PGM1: variants seen among roughly 807,000 people sequenced by gnomAD.
PGM1 encodes phosphoglucomutase 1, also known as phosphoglucomutase-1.
PGM1 carries 52 observed loss-of-function variants against 55.6 expected under a neutral mutation model. The observed-to-expected ratio is 0.94, with a 90% CI of 0.75 to 1.18. The LOEUF (loss-of-function observed/expected upper bound fraction) is 1.18. Ranked by LOEUF, PGM1 falls within the 50% of genes most tolerant of loss-of-function variation. The pLI, the probability that PGM1 is intolerant of heterozygous loss-of-function variation, is 0.00. For synonymous variants in PGM1, 287 were observed against 271.7 expected (o/e 1.06, Z -0.55); for missense variants, 724 against 729.3 (o/e 0.99, Z 0.08).
chr1:63,654,967 CTTTTTTTTT>C (rs58711467), intron 10 of PGM1, among the ~76,000 whole-genome samples: 4 of 131,640 alleles, frequency 3.0e-5, no homozygotes, highest in Non-Finnish European at 4.9e-5. Flanking sequence ...ATGAATCTCT[CTTTTTTTTT>C]TTTTTTTTTT....
At chr1:63,623,129 T>G in intron 1 of PGM1, 7 of 867,588 alleles carry the variant, frequency 8.1e-6, no homozygotes, top group Non-Finnish European at 1.0e-5. Flanking sequence ...CAGCACTCCT[T>G]GGAGCTATCT....
chr1:63,616,903 A>G (rs926695743), intron 1 of PGM1, among the ~76,000 whole-genome samples: 4 of 152,182 alleles, frequency 2.6e-5, no homozygotes, highest in Non-Finnish European at 5.9e-5. Flanking sequence ...GCCCGTCCCA[A>G]TTGTTGGGTA....
At chr1:63,647,098 C>G (rs981975122) in intron 7 of PGM1, among the ~76,000 whole-genome samples, 4 of 151,532 alleles carry the variant, frequency 2.6e-5, no homozygotes, top group Non-Finnish European at 5.9e-5. Context: ...CAAAAATTAG[C>G]TGAGCATGGT....
chr1:63,597,796 A>G (rs374897137), intron 1 of PGM1, among the ~76,000 whole-genome samples: 5 of 152,334 alleles, frequency 3.3e-5, no homozygotes, highest in Admixed American at 6.5e-5. Flanking sequence ...GAATGTGTGC[A>G]TGTTTTGAAG....
At chr1:63,641,220 G>A (rs1434902886) in intron 7 of PGM1, among the ~76,000 whole-genome samples, 1 of 152,026 alleles carries the variant, frequency 6.6e-6, no homozygotes, top group Non-Finnish European at 1.5e-5. Context: ...GCTTCTCCTT[G>A]GTATATTTCA....
At chr1:63,633,751 T>G (rs781514050) in intron 4 of PGM1, among the ~76,000 whole-genome samples, 43 of 150,592 alleles carry the variant, frequency 2.9e-4, no homozygotes, top group South Asian at 6.4e-4. Flanking sequence ...CACTGTAACC[T>G]CCGCCTCCGA....
intron 6 of PGM1, among the ~76,000 whole-genome samples, 180 bp downstream of exon 6, chr1:63,636,568 C>T (rs147937242): frequency 2.3e-4 from 35 of 152,268 alleles, no homozygotes; most frequent in Non-Finnish European, 4.3e-4. Context: ...TGCCCCTCTC[C>T]GCACTCCCTT....
In PGM1 at chr1:63,636,375, G is replaced by A; in HGVS notation, c.1015G>A (p.Gly339Ser). 3 of 1,614,074 alleles carry A rather than the reference G, an allele frequency of 1.9e-6. No individual in the cohort carries two copies. The highest frequency in any genetic ancestry group is 1.1e-5 in the South Asian group (1 of 91,088). Residue 339 changes from glycine (G) to serine (S), a missense_variant, in exon 6 of 11, where the codon GGT becomes AGT. Physicochemically the swap from Gly to Ser is moderately conservative, Grantham distance 56. Around this residue, in one of 3 missense-constraint regions of PGM1, gnomAD observed 316 missense variants for 313.1 expected, o/e 1.01. Coordinates refer to ENST00000371084, the MANE Select transcript of PGM1 (RefSeq NM_002633.3). ...CTTTGCACGGAGCATGCCCACGAGT[G>A]GTGCTCTGGACCGGTAGGTGTCTCC... ...RGFARSMPTS[G>S]ALDRVASATK...
intron 1 of PGM1, among the ~76,000 whole-genome samples, chr1:63,606,499 G>T (rs1247269663): frequency 2.0e-5 from 3 of 152,068 alleles, no homozygotes; most frequent in African/African-American, 7.2e-5. Flanking sequence ...TCTAGGTCCG[G>T]GATGGCTGCC....
intron 8 of PGM1, among the ~76,000 whole-genome samples, chr1:63,650,050 C>T (rs1363736260): frequency 6.6e-6 from 1 of 152,162 alleles, no homozygotes; most frequent in African/African-American, 2.4e-5. Flanking sequence ...AGTCACAATC[C>T]TCCATATAAA....
chr1:63,626,405 T>G (rs1398321448), intron 1 of PGM1, among the ~76,000 whole-genome samples: 1 of 152,166 alleles, frequency 6.6e-6, no homozygotes, highest in Admixed American at 6.5e-5. Flanking sequence ...TGGTAACCTC[T>G]GTACTACTTT....
At chr1:63,635,141 C>G (rs1169271683) in intron 5 of PGM1, 122 bp downstream of exon 5, 1 of 824,218 alleles carries the variant, frequency 1.2e-6, no homozygotes, top group East Asian at 2.5e-5. Flanking sequence ...CTCATTCTGA[C>G]CCGAGGTCAG....
intron 7 of PGM1, 36 bp downstream of exon 7, chr1:63,638,836 G>A (rs1268175723): frequency 7.2e-7 from 1 of 1,384,906 alleles, no homozygotes; most frequent in Non-Finnish European, 1.0e-6. Context: ...TTTCCTCCCT[G>A]TAACCACTAT....
In PGM1 at chr1:63,593,797, G is replaced by A. The variant is rs1465992173; in HGVS notation, c.246+63G>A. 5.4e-6 allele frequency: 8 copies of A among 1,483,588 alleles called. 1 individual carries two copies. The highest frequency in any genetic ancestry group is 5.2e-5 in the South Asian group (4 of 77,162). The allele number at this position is 1,483,588 out of a possible 1,614,324, so 91.9% of individuals were successfully genotyped here. Reference sequence around the variant, plus strand: ...GCGCGTGTGCGACGTGCGGCCCGCGGCGCCCTCCCTCGCTCGGGGCCGGCC... The same window carrying A: ...GCGCGTGTGCGACGTGCGGCCCGCGACGCCCTCCCTCGCTCGGGGCCGGCC... On this transcript the variant is annotated intron_variant, in intron 1 of 10. Coordinates refer to ENST00000371084, the MANE Select transcript of PGM1 (RefSeq NM_002633.3).
Position 63,659,629 on chromosome 1 carries a change from A to C in PGM1, c.1643A>C (p.Gln548Pro). ...ATTTCCATTGCTCTGAAAGTGTCCC[A>C]GCTGCAGGAGAGGACGGGACGCACT... Reference protein sequence around the residue: ...PLISIALKVSQLQERTGRTAP... With the variant: ...PLISIALKVSPLQERTGRTAP... The change falls in exon 11 of 11, where the codon CAG becomes CCG. Residue 548 changes from glutamine (Q) to proline (P), a missense_variant. By Grantham distance (76) the Gln-to-Pro change is moderately conservative. Transcript: ENST00000371084. 6.2e-7 allele frequency: 1 copy of C among 1,614,120 alleles called. No homozygotes were observed. The highest frequency in any genetic ancestry group is 1.1e-5 in the South Asian group (1 of 91,084).
chr1:63,635,260 G>T (rs1649333920), intron 5 of PGM1, among the ~76,000 whole-genome samples: 1 of 152,182 alleles, frequency 6.6e-6, no homozygotes, highest in East Asian at 1.9e-4. Context: ...CGATGATTAG[G>T]TTCTGATTAT....
At position 63,654,339 on chromosome 1, in the gene PGM1, GC is replaced by G. The variant is rs1376645472; in HGVS notation, c.1474del (p.Leu492SerfsTer13). ...DGSISRNQGL[R>X]LIFTDGSRIV... The stretch of plus-strand genomic sequence containing the variant: ...TCTGCTTATCTTTTCCAGGGCTTGC[GC>G]CTCATTTTCACAGATGGTTCTCGAA... On this transcript the variant is annotated frameshift_variant, in exon 10 of 11. Coordinates refer to ENST00000371084, the MANE Select transcript of PGM1 (RefSeq NM_002633.3). LOFTEE classifies it high-confidence loss of function. 6.2e-7 allele frequency: 1 copy of G among 1,613,812 alleles called. No homozygotes were observed. The highest frequency in any genetic ancestry group is 1.3e-5 in the African/African-American group (1 of 74,926).
At chr1:63,605,373 T>C (rs1648392792) in intron 1 of PGM1, among the ~76,000 whole-genome samples, 1 of 152,176 alleles carries the variant, frequency 6.6e-6, no homozygotes, top group Non-Finnish European at 1.5e-5. Flanking sequence ...AGTTCTCACC[T>C]AGATAGTTTT....
At chr1:63,639,503 T>C (rs1218186819) in intron 7 of PGM1, among the ~76,000 whole-genome samples, 1 of 151,986 alleles carries the variant, frequency 6.6e-6, no homozygotes, top group African/African-American at 2.4e-5. Context: ...CCTTCTCTGC[T>C]ACCTCATGCT....
Sources: allele counts gnomAD v4.1 joint callset (sites outside exome capture counted in the v4.1 genomes callset), GRCh38; gene constraint gnomAD v4.1.1; regional missense constraint gnomAD v4.1.1; transcripts MANE v1.5; gene names NCBI Gene and HGNC (gene_info 2026-07-23, HGNC 2026-07-21).